SOCS5: variants seen among roughly 807,000 people sequenced by gnomAD.
SOCS5 encodes the protein suppressor of cytokine signaling 5, also known as CIS-6.
SOCS5 carries 32 observed loss-of-function variants against 42.8 expected under a neutral mutation model. The observed-to-expected ratio is 0.75, with a 90% CI of 0.56 to 1.01. SOCS5 has a LOEUF of 1.01. SOCS5 is among the 50% of genes least tolerant of loss of function. SOCS5 has a pLI of 0.00. For missense variants in SOCS5, 627 were observed against 653.0 expected (o/e 0.96, Z 0.43); for synonymous variants, 283 against 229.6 (o/e 1.23, Z -2.10).
chr2:46,723,293 A>C (rs1672921728), intron 1 of SOCS5, among the ~76,000 whole-genome samples: 1 of 152,012 alleles, frequency 6.6e-6, no homozygotes, highest in Non-Finnish European at 1.5e-5. Context: ...GCATTCTACA[A>C]AACATTAGAT....
At chr2:46,724,742 G>A (rs1425756961) in intron 1 of SOCS5, among the ~76,000 whole-genome samples, 1 of 151,814 alleles carries the variant, frequency 6.6e-6, no homozygotes, top group Non-Finnish European at 1.5e-5. Flanking sequence ...TGTTGCTTCA[G>A]TTCTTTTAAA....
chr2:46,748,189 CTTTTTTT>C (rs35861326), intron 1 of SOCS5, among the ~76,000 whole-genome samples: 1 of 138,788 alleles, frequency 7.2e-6, no homozygotes, highest in African/African-American at 2.6e-5. Flanking sequence ...TTTTCTTTTT[CTTTTTTT>C]TTTTTTTTTG....
intron 1 of SOCS5, among the ~76,000 whole-genome samples, chr2:46,731,760 A>G (rs1481543305): frequency 6.6e-6 from 1 of 152,162 alleles, no homozygotes; most frequent in African/African-American, 2.4e-5. Flanking sequence ...GGCACAACCC[A>G]TAAAAGTTTC....
intron 1 of SOCS5, among the ~76,000 whole-genome samples, chr2:46,712,116 T>G (rs946636706): frequency 6.6e-6 from 1 of 152,200 alleles, no homozygotes; most frequent in African/African-American, 2.4e-5. Flanking sequence ...AAAAGCCTTT[T>G]GGAATTTTTA....
intron 1 of SOCS5, among the ~76,000 whole-genome samples, chr2:46,713,585 A>G (rs952760347): frequency 5.9e-5 from 9 of 151,674 alleles, no homozygotes; most frequent in South Asian, 2.1e-4. Flanking sequence ...AGGAATATCA[A>G]TTTCATAAAT....
intron 1 of SOCS5, among the ~76,000 whole-genome samples, chr2:46,755,023 C>G (rs1673704196): frequency 6.6e-6 from 1 of 152,136 alleles, no homozygotes; most frequent in Admixed American, 6.6e-5. Context: ...TTTAATCAGT[C>G]TACCTGTCCC....
At chr2:46,716,730 C>G (rs1672753839) in intron 1 of SOCS5, among the ~76,000 whole-genome samples, 1 of 152,166 alleles carries the variant, frequency 6.6e-6, no homozygotes. Context: ...TCTGCCCCAG[C>G]CTCCCCAAAT....
intron 1 of SOCS5, among the ~76,000 whole-genome samples, chr2:46,724,081 T>C (rs1190721720): frequency 6.6e-6 from 1 of 152,064 alleles, no homozygotes; most frequent in Non-Finnish European, 1.5e-5. Context: ...AAAATATGAT[T>C]GACTTTTGTG....
At chr2:46,715,727 G>T (rs950649671) in intron 1 of SOCS5, among the ~76,000 whole-genome samples, 1 of 152,140 alleles carries the variant, frequency 6.6e-6, no homozygotes, top group African/African-American at 2.4e-5. Context: ...CTGCTTTTAA[G>T]ATTTCGTTTG....
At chr2:46,746,930 T>C (rs988525039) in intron 1 of SOCS5, among the ~76,000 whole-genome samples, 2 of 134,036 alleles carry the variant, frequency 1.5e-5, no homozygotes, top group African/African-American at 7.1e-5. Context: ...TTCTTTTTTT[T>C]TTTTTTTTTT....
chr2:46,746,922 C>CTTTTTTTTTTTTTTTTTT (rs11373537), intron 1 of SOCS5, among the ~76,000 whole-genome samples: 6 of 70,794 alleles, frequency 8.5e-5, no homozygotes, highest in Non-Finnish European at 1.4e-4. Context: ...GACTTTATTT[C>CTTTTTTTTTTTTTTTTTT]TTTTTTTTTT....
chr2:46,708,129 G>C (rs989061135), intron 1 of SOCS5, among the ~76,000 whole-genome samples: 6 of 152,162 alleles, frequency 3.9e-5, no homozygotes, highest in Admixed American at 2.0e-4. Context: ...TGACAGTCAA[G>C]GATGACATTT....
intron 1 of SOCS5, among the ~76,000 whole-genome samples, chr2:46,720,319 A>G (rs1161855060): frequency 6.6e-6 from 1 of 152,178 alleles, no homozygotes; most frequent in Admixed American, 6.5e-5. Flanking sequence ...TGGGAACTGT[A>G]CTGCTCTTGG....
At chr2:46,712,206 T>C (rs531531979) in intron 1 of SOCS5, among the ~76,000 whole-genome samples, 6 of 152,252 alleles carry the variant, frequency 3.9e-5, no homozygotes, top group Non-Finnish European at 5.9e-5. Flanking sequence ...TTAGATCTTC[T>C]TTTTTAGTGT....
intron 1 of SOCS5, among the ~76,000 whole-genome samples, chr2:46,719,314 A>C (rs1672826490): frequency 6.6e-6 from 1 of 152,230 alleles, no homozygotes; most frequent in South Asian, 2.1e-4. Flanking sequence ...TGAAAGGAAC[A>C]CTTATTCTTA....
At chr2:46,735,236 C>T (rs1311914456) in intron 1 of SOCS5, among the ~76,000 whole-genome samples, 2 of 152,240 alleles carry the variant, frequency 1.3e-5, no homozygotes, top group South Asian at 4.1e-4. Context: ...CAGCTCATGG[C>T]TTTGGAAGCT....
chr2:46,739,994 G>A (rs1306042454), intron 1 of SOCS5, among the ~76,000 whole-genome samples: 1 of 152,214 alleles, frequency 6.6e-6, no homozygotes, highest in Non-Finnish European at 1.5e-5. Context: ...TCAAACGGAA[G>A]CCTTTATCTG....
At chr2:46,710,670 G>A (rs745423472) in intron 1 of SOCS5, among the ~76,000 whole-genome samples, 3 of 152,144 alleles carry the variant, frequency 2.0e-5, no homozygotes, top group Non-Finnish European at 4.4e-5. Context: ...ATTCAGTGGT[G>A]AAAGACTGAG....
At chr2:46,748,767 T>C (rs1183857811) in intron 1 of SOCS5, among the ~76,000 whole-genome samples, 1 of 152,234 alleles carries the variant, frequency 6.6e-6, no homozygotes, top group African/African-American at 2.4e-5. Flanking sequence ...AGAGTCTTCA[T>C]ATTTCTTGTG....
Sources: allele counts gnomAD v4.1 joint callset (sites outside exome capture counted in the v4.1 genomes callset), GRCh38; gene constraint gnomAD v4.1.1; transcripts MANE v1.5; gene names NCBI Gene and HGNC (gene_info 2026-07-23, HGNC 2026-07-21).